Variants in SDC2 observed in about 807,000 individuals in gnomAD.
The protein encoded by SDC2 is syndecan 2.
SDC2 carries 13 observed loss-of-function variants against 22.2 expected under a neutral mutation model. The observed-to-expected ratio is 0.59, with a 90% CI of 0.38 to 0.93. SDC2 has a LOEUF of 0.93. Ranked by LOEUF, SDC2 falls within the 40% of genes least tolerant of loss-of-function variation. The pLI, the probability that SDC2 is intolerant of heterozygous loss-of-function variation, is 0.00. For missense variants in SDC2, 235 were observed against 246.8 expected, an observed-to-expected ratio of 0.95 and a Z score of 0.32; for synonymous variants, 94 against 92.8, an observed-to-expected ratio of 1.01 and a Z score of -0.07.
chr8:96,514,039 C>T (rs1031073322), intron 1 of SDC2, among the ~76,000 whole-genome samples: 1 of 152,170 alleles, frequency 6.6e-6, no homozygotes, highest in African/African-American at 2.4e-5. Flanking sequence ...ATAACTTGGT[C>T]TGACTGAGAC....
At chr8:96,505,731 G>A (rs1813229222) in intron 1 of SDC2, among the ~76,000 whole-genome samples, 1 of 152,164 alleles carries the variant, frequency 6.6e-6, no homozygotes, top group Admixed American at 6.5e-5. Flanking sequence ...GATTTGATTA[G>A]GTATTGTGAT....
Position 96,609,435 on chromosome 8 carries a change from C to T in SDC2, c.493C>T (p.Leu165=). The T allele has an allele frequency of 6.2e-7, 1 of 1,613,066 alleles. No homozygotes were observed. Among genetic ancestry groups the T allele is most frequent in the South Asian group, 1.1e-5 (1 of 90,942 alleles). Residue 165 remains leucine (L), a synonymous_variant, in exon 5 of 5, where the codon CTG becomes TTG. Coordinates refer to ENST00000302190, the MANE Select transcript of SDC2 (RefSeq NM_002998.4). ...CTTTCTCTTTGCAATTTTTCTTATC[C>T]TGCTGTTGGTGTATCGCATGAGAAA... The part of the protein sequence containing the change: ...IGFLFAIFLI[L]LLVYRMRKKD...
intron 1 of SDC2, among the ~76,000 whole-genome samples, chr8:96,509,767 CG>C (rs1415782514): frequency 6.6e-6 from 1 of 152,140 alleles, no homozygotes; most frequent in East Asian, 1.9e-4. Context: ...GTATTCTTAA[CG>C]TATGCTTTCT....
chr8:96,521,692 T>G (rs949356587), intron 1 of SDC2, among the ~76,000 whole-genome samples: 1 of 152,250 alleles, frequency 6.6e-6, no homozygotes, highest in Non-Finnish European at 1.5e-5. Flanking sequence ...TTGAGCATTT[T>G]CCTTGCTTTG....
At chr8:96,517,477 T>C (rs1813419273) in intron 1 of SDC2, among the ~76,000 whole-genome samples, 1 of 152,212 alleles carries the variant, frequency 6.6e-6, no homozygotes, top group South Asian at 2.1e-4. Flanking sequence ...TACATTTAGA[T>C]CTAAAATCTA....
At chr8:96,517,825 C>T (rs1813430630) in intron 1 of SDC2, among the ~76,000 whole-genome samples, 1 of 151,042 alleles carries the variant, frequency 6.6e-6, no homozygotes, top group Non-Finnish European at 1.5e-5. Context: ...ACACATGAAT[C>T]TTAAAATTGT....
At chr8:96,545,315 C>T (rs1289061626) in intron 1 of SDC2, among the ~76,000 whole-genome samples, 7 of 152,102 alleles carry the variant, frequency 4.6e-5, no homozygotes, top group Non-Finnish European at 8.8e-5. Context: ...TCTTCTAATC[C>T]TGTAGATATG....
rs1815037869 is a variant in SDC2 at position 96,604,066 on chromosome 8, A to G, written c.306+1538A>G. The stretch of plus-strand genomic sequence containing the variant: ...TAAAGATGCATTTGGCTCTTACCAC[A>G]TTTTTATTTGACCACTTCTCTTGAC... On this transcript the variant is annotated intron_variant, in intron 3 of 4. Transcript: ENST00000302190. Among the ~76,000 whole-genome samples the G allele has an allele frequency of 2.0e-5, 3 of 152,194 alleles. No homozygotes were observed. In the South Asian group the frequency reaches 6.2e-4, roughly 31 times the overall value.
At chr8:96,573,233 C>G (rs893136033) in intron 1 of SDC2, among the ~76,000 whole-genome samples, 2 of 152,072 alleles carry the variant, frequency 1.3e-5, no homozygotes, top group African/African-American at 4.8e-5. Context: ...CAGAAAAACT[C>G]AACCTCAAAG....
At chr8:96,523,067 G>A (rs62514935) in intron 1 of SDC2, among the ~76,000 whole-genome samples, 16,110 of 152,180 alleles carry the variant, frequency 0.11, 1,174 homozygotes, top group Middle Eastern at 0.26. Context: ...AAATTTCTCC[G>A]AGGAGTTATT....
intron 1 of SDC2, among the ~76,000 whole-genome samples, chr8:96,555,271 G>T (rs558596397): frequency 6.6e-6 from 1 of 151,966 alleles, no homozygotes. Context: ...GAATAATGCC[G>T]ATTCTTTCAT....
intron 1 of SDC2, among the ~76,000 whole-genome samples, chr8:96,583,279 AAT>A (rs1008418139): frequency 6.1e-5 from 9 of 147,042 alleles, no homozygotes; most frequent in Admixed American, 4.1e-4. Context: ...ATTTATATAT[AAT>A]ATATATATGT....
chr8:96,530,340 A>T (rs1179828792), intron 1 of SDC2, among the ~76,000 whole-genome samples: 1 of 152,226 alleles, frequency 6.6e-6, no homozygotes, highest in Admixed American at 6.5e-5. Flanking sequence ...TGTTAGTATT[A>T]AAATGGTGCT....
intron 1 of SDC2, among the ~76,000 whole-genome samples, chr8:96,589,537 C>T (rs952241739): frequency 3.9e-5 from 6 of 152,110 alleles, no homozygotes; most frequent in Admixed American, 6.5e-5. Context: ...CTCAGCCTTG[C>T]GAGTAGCTGG....
At chr8:96,550,037 T>C (rs553921977) in intron 1 of SDC2, among the ~76,000 whole-genome samples, 5 of 152,286 alleles carry the variant, frequency 3.3e-5, no homozygotes, top group South Asian at 4.1e-4. Context: ...CTTCCAGATA[T>C]AGACAGCATA....
intron 3 of SDC2, among the ~76,000 whole-genome samples, chr8:96,607,935 T>A (rs1193759729): frequency 2.6e-5 from 4 of 152,108 alleles, no homozygotes; most frequent in African/African-American, 9.7e-5. Context: ...CCTAGTGCCC[T>A]GTGTAGTTCA....
intron 3 of SDC2, among the ~76,000 whole-genome samples, chr8:96,605,048 C>A (rs2130658461): frequency 6.6e-6 from 1 of 152,298 alleles, no homozygotes; most frequent in East Asian, 1.9e-4. Context: ...ACTCTCAGAT[C>A]CCTGGATTGC....
At chr8:96,571,966 A>G (rs1814402640) in intron 1 of SDC2, among the ~76,000 whole-genome samples, 1 of 152,122 alleles carries the variant, frequency 6.6e-6, no homozygotes, top group Non-Finnish European at 1.5e-5. Context: ...AGGACAAGTA[A>G]ATTGAAGGGT....
chr8:96,600,783 T>C (rs558018542), intron 2 of SDC2, among the ~76,000 whole-genome samples: 1 of 152,346 alleles, frequency 6.6e-6, no homozygotes, highest in South Asian at 2.1e-4. Context: ...CCATGAGTTC[T>C]GGTTTGGACA....
Sources: gnomAD v4.1 joint callset for allele counts (sites outside exome capture counted in the v4.1 genomes callset) on GRCh38, gnomAD v4.1.1 for gene constraint, MANE v1.5 for transcripts, NCBI Gene and HGNC (gene_info 2026-07-23, HGNC 2026-07-21) for gene names.